Variants in TRIM24 observed in about 807,000 individuals in gnomAD.
TRIM24 encodes transcription intermediary factor 1-alpha.
TRIM24 carries 29 observed loss-of-function variants against 123.9 expected under a neutral mutation model. That is an observed-to-expected ratio of 0.23 (90% CI 0.17 to 0.32). The LOEUF (loss-of-function observed/expected upper bound fraction) is 0.32, where lower values mean the gene tolerates loss of function less well. Among genes scored for constraint, TRIM24 ranks in the 10% least tolerant of loss-of-function variants. TRIM24 has a pLI of 1.00. For synonymous variants in TRIM24, 456 were observed against 461.1 expected (o/e 0.99, Z 0.14); for missense variants, 932 against 1,295.3 (o/e 0.72, Z 4.31).
intron 2 of TRIM24, among the ~76,000 whole-genome samples, chr7:138,511,688 A>G (rs1416770093): frequency 6.6e-6 from 1 of 152,124 alleles, no homozygotes; most frequent in East Asian, 1.9e-4. Context: ...GTCACCTCCC[A>G]TCAGGTCCCA....
At chr7:138,490,920 A>G in intron 1 of TRIM24, 4 of 387,190 alleles carry the variant, frequency 1.0e-5, no homozygotes, top group South Asian at 6.4e-5. Context: ...GATCTTCCGT[A>G]TCTGATTGTT....
chr7:138,551,988 A>T (rs1429759458), intron 8 of TRIM24, among the ~76,000 whole-genome samples: 1 of 152,156 alleles, frequency 6.6e-6, no homozygotes, highest in African/African-American at 2.4e-5. Flanking sequence ...CTGCATAATG[A>T]TATCTCAATC....
Position 138,508,698 on chromosome 7 carries a change from C to CGCGCGCGCGCGT in TRIM24, c.483+4293_483+4294insCGCGCGCGTGCG, listed in dbSNP as rs1329971426. Among the ~76,000 whole-genome samples, 103 of 30,440 alleles carry CGCGCGCGCGCGT rather than the reference C, an allele frequency of 3.4e-3. 3 individuals are homozygous for CGCGCGCGCGCGT. The highest frequency in any genetic ancestry group is 0.016 in the Middle Eastern group (1 of 62). The allele number at this position is 30,440 out of a possible 152,430, so 20.0% of individuals were successfully genotyped here. ...GTGTGTGTGTGTGTGTGTGTGCGCG[C>CGCGCGCGCGCGT]GCGTGTGTGCGTGTGTGTGTGCGTG... is the stretch of plus-strand genomic sequence containing the variant. On this transcript the variant is annotated intron_variant, in intron 2 of 18. Transcript: ENST00000343526.
intron 7 of TRIM24, among the ~76,000 whole-genome samples, chr7:138,540,397 G>A (rs930171143): frequency 2.0e-5 from 3 of 152,118 alleles, no homozygotes; most frequent in Admixed American, 6.5e-5. Flanking sequence ...TAAGTTTATG[G>A]AATATTCTAA....
At chr7:138,530,050 A>C (rs1796697126) in intron 6 of TRIM24, among the ~76,000 whole-genome samples, 1 of 152,136 alleles carries the variant, frequency 6.6e-6, no homozygotes, top group South Asian at 2.1e-4. Context: ...TTCTGTCAGA[A>C]AGTTCTATCC....
chr7:138,568,407 TTTA>T (rs1455846403), intron 10 of TRIM24, among the ~76,000 whole-genome samples: 4 of 106,076 alleles, frequency 3.8e-5, no homozygotes, highest in African/African-American at 1.6e-4. Flanking sequence ...TTTTTTTTTT[TTTA>T]AAGTCTCTCT....
At chr7:138,520,098 G>T (rs1472081807) in intron 4 of TRIM24, among the ~76,000 whole-genome samples, 1 of 152,212 alleles carries the variant, frequency 6.6e-6, no homozygotes, top group Non-Finnish European at 1.5e-5. Context: ...GGTTGGAGTT[G>T]GGGCTAAGAA....
At chr7:138,545,984 G>T (rs965482053) in intron 7 of TRIM24, among the ~76,000 whole-genome samples, 4 of 152,116 alleles carry the variant, frequency 2.6e-5, no homozygotes, top group Non-Finnish European at 5.9e-5. Flanking sequence ...GTTATAGAAA[G>T]AACAATGGGT....
At chr7:138,542,197 G>T (rs533331351) in intron 7 of TRIM24, among the ~76,000 whole-genome samples, 4 of 152,214 alleles carry the variant, frequency 2.6e-5, no homozygotes, top group African/African-American at 9.6e-5. Flanking sequence ...TGGCTAACTG[G>T]TGTGAGAGGC....
rs1175134525 is a variant in TRIM24, at chr7:138,579,410, G to A, written c.2463G>A (p.Glu821=). The change falls in exon 15 of 19, where the codon GAG becomes GAA. Residue 821 remains glutamate (E), a synonymous_variant. Transcript: ENST00000343526. ...TTCATGTTGGAGAGACAAGGAAAGAGGATGACCCCAATGAGGACTGGTGTG... is the reference window on the plus strand; with the variant it reads ...TTCATGTTGGAGAGACAAGGAAAGAAGATGACCCCAATGAGGACTGGTGTG... ...SPLHVGETRK[E]DDPNEDWCAV... 1.9e-6 allele frequency: 3 copies of A among 1,614,162 alleles called. No individual in the cohort carries two copies. Among genetic ancestry groups the A allele is most frequent in the East Asian group, 2.2e-5 (1 of 44,874 alleles).
chr7:138,565,857 T>G (rs937843602), intron 9 of TRIM24, among the ~76,000 whole-genome samples: 2 of 152,232 alleles, frequency 1.3e-5, no homozygotes, highest in African/African-American at 4.8e-5. Flanking sequence ...GTGACAGGTT[T>G]CATAATCCTT....
chr7:138,577,914 T>C (rs1190938710), intron 14 of TRIM24, among the ~76,000 whole-genome samples: 1 of 152,176 alleles, frequency 6.6e-6, no homozygotes, highest in African/African-American at 2.4e-5. Flanking sequence ...ATAATTCTTA[T>C]GTACTCATTC....
At chr7:138,578,762 A>G (rs1397127544) in intron 14 of TRIM24, among the ~76,000 whole-genome samples, 1 of 151,924 alleles carries the variant, frequency 6.6e-6, no homozygotes, top group Non-Finnish European at 1.5e-5. Flanking sequence ...TTTTAACTAT[A>G]TCTACATTTA....
At chr7:138,489,413 C>T (rs1463786276) in intron 1 of TRIM24, among the ~76,000 whole-genome samples, 1 of 151,908 alleles carries the variant, frequency 6.6e-6, no homozygotes, top group African/African-American at 2.4e-5. Flanking sequence ...GTTATTTTGC[C>T]CGTTAGTTGA....
chr7:138,536,589 AG>A (rs1203655452), intron 6 of TRIM24, among the ~76,000 whole-genome samples: 1 of 152,206 alleles, frequency 6.6e-6, no homozygotes, highest in African/African-American at 2.4e-5. Context: ...TTTGTCCCAG[AG>A]GGGTACCCGG....
intron 7 of TRIM24, among the ~76,000 whole-genome samples, chr7:138,539,310 C>T (rs1053470813): frequency 6.6e-5 from 10 of 152,016 alleles, no homozygotes; most frequent in Non-Finnish European, 1.2e-4. Context: ...TGGTGCTGCA[C>T]GGCAATCTGT....
intron 1 of TRIM24, among the ~76,000 whole-genome samples, chr7:138,463,989 C>CTTTTTTCTTTTTTTTTTTTTTTT (rs1795072688): frequency 2.0e-5 from 1 of 50,766 alleles, no homozygotes; most frequent in African/African-American, 8.2e-5. Context: ...AAAATTTAGA[C>CTTTTTTCTTTTTTTTTTTTTTTT]TTTTTTTTTT....
chr7:138,579,668 A>T, intron 15 of TRIM24, 136 bp downstream of exon 15: 1 of 694,020 alleles, frequency 1.4e-6, no homozygotes, highest in Non-Finnish European at 2.4e-6. Context: ...TGAATAGTCT[A>T]GGTTTTCCCA....
chr7:138,562,187 C>T (rs1797441505), intron 9 of TRIM24, among the ~76,000 whole-genome samples: 1 of 152,042 alleles, frequency 6.6e-6, no homozygotes, highest in Admixed American at 6.6e-5. Context: ...CAGCAAGGTG[C>T]AGTTGTCATT....
Sources: gnomAD v4.1 joint callset for allele counts (sites outside exome capture counted in the v4.1 genomes callset) on GRCh38, gnomAD v4.1.1 for gene constraint, MANE v1.5 for transcripts, NCBI Gene and HGNC (gene_info 2026-07-23, HGNC 2026-07-21) for gene names.